ZC3H13: variants seen among roughly 807,000 people sequenced by gnomAD.
The protein encoded by ZC3H13 is zinc finger CCCH domain-containing protein 13.
In ZC3H13, 64 loss-of-function variants were observed where a neutral mutation model predicts 204.1. The ratio of observed to expected loss-of-function variants is 0.31; its 90% confidence interval spans 0.26 to 0.39. The LOEUF is 0.39. Ranked by LOEUF, ZC3H13 falls within the 10% of genes least tolerant of loss-of-function variation. The probability of loss-of-function intolerance (pLI) is 1.00; values close to 1 mark genes in which losing one functional copy is unlikely to be tolerated. For missense variants in ZC3H13, 1,833 were observed against 2,082.7 expected (o/e 0.88, Z 2.33); for synonymous variants, 667 against 693.7 (o/e 0.96, Z 0.60).
Position 45,969,267 on chromosome 13 carries a change from T to C in ZC3H13, c.3277A>G (p.Thr1093Ala). The change falls in exon 14 of 19, where the codon ACC becomes GCC. Residue 1093 changes from threonine to alanine, a missense_variant. By Grantham distance (58) the Thr-to-Ala change is moderately conservative (BLOSUM62 0). This residue lies in a region of ZC3H13 where 1,574 missense variants were observed against 1,757.2 expected (regional missense o/e 0.90). Coordinates refer to ENST00000679008, the MANE Select transcript of ZC3H13 (RefSeq NM_001330564.2). ...HTATATTPGSTPSPLSSLLPP... is the reference protein window; with the variant it reads ...HTATATTPGSAPSPLSSLLPP... ...AGAAGAGAAGATAGAGGAGAAGGGG[T>C]ACTACCAGGAGTCGTGGCGGTGGCA... 1 of 1,613,246 alleles carries C rather than the reference T, an allele frequency of 6.2e-7. No homozygotes were observed. Among genetic ancestry groups the C allele is most frequent in the Non-Finnish European group, 8.5e-7 (1 of 1,179,344 alleles).
At chr13:45,997,815 T>A (rs1593598521) in intron 8 of ZC3H13, among the ~76,000 whole-genome samples, 1 of 151,764 alleles carries the variant, frequency 6.6e-6, no homozygotes, top group African/African-American at 2.4e-5. Flanking sequence ...GCCTAGTGGG[T>A]CATACTTGAA....
In ZC3H13 at chr13:45,988,825, G is replaced by A; in HGVS notation, c.1217C>T (p.Thr406Ile). ...REKGRHDHER[T>I]SQSHDRRHER... ...ATGGCGTCGATCATGAGACTGTGAA[G>A]TTCGTTCATGATCATGTCTCCCTTT... The change falls in exon 9 of 19, where the codon ACT (threonine) becomes ATT (isoleucine). Residue 406 changes from threonine (T) to isoleucine (I), a missense_variant. Physicochemically the swap from Thr to Ile is moderately conservative, Grantham distance 89. Around this residue, in one of 5 missense-constraint regions of ZC3H13, gnomAD observed 1,574 missense variants for 1,757.2 expected, o/e 0.90. Transcript: ENST00000679008. The A allele has an allele frequency of 6.2e-7, 1 of 1,614,008 alleles. No individual in the cohort carries two copies. Among genetic ancestry groups the A allele is most frequent in the Non-Finnish European group, 8.5e-7 (1 of 1,179,864 alleles).
chr13:46,051,565 C>T (rs943863160), intron 1 of ZC3H13, among the ~76,000 whole-genome samples: 2 of 152,152 alleles, frequency 1.3e-5, no homozygotes, highest in Non-Finnish European at 2.9e-5. Flanking sequence ...GCACCATATA[C>T]CCATAGACTG....
At chr13:45,976,830 T>A (rs892389656) in intron 11 of ZC3H13, among the ~76,000 whole-genome samples, 6 of 152,204 alleles carry the variant, frequency 3.9e-5, no homozygotes, top group Non-Finnish European at 4.4e-5. Flanking sequence ...AAGATCATAT[T>A]ATAATCAGGC....
chr13:45,989,867 TAAG>T (rs2039848181), intron 8 of ZC3H13, among the ~76,000 whole-genome samples: 1 of 152,170 alleles, frequency 6.6e-6, no homozygotes, highest in Admixed American at 6.5e-5. Flanking sequence ...GTGCAATAAC[TAAG>T]AAGCAGCAGG....
intron 11 of ZC3H13, among the ~76,000 whole-genome samples, chr13:45,977,122 A>G (rs1953118398): frequency 6.6e-6 from 1 of 152,208 alleles, no homozygotes; most frequent in African/African-American, 2.4e-5. Flanking sequence ...CCAATGTCAC[A>G]GAGATGGTAG....
intron 12 of ZC3H13, among the ~76,000 whole-genome samples, 185 bp downstream of exon 12, chr13:45,975,098 G>A (rs1436703609): frequency 6.6e-6 from 1 of 151,686 alleles, no homozygotes; most frequent in Non-Finnish European, 1.5e-5. Flanking sequence ...TGCCTGCCTC[G>A]GCCTCCCAAA....
chr13:45,983,809 CA>C (rs1953929383), intron 10 of ZC3H13, among the ~76,000 whole-genome samples: 1 of 152,008 alleles, frequency 6.6e-6, no homozygotes, highest in Admixed American at 6.6e-5. Context: ...AAAGAAGAGC[CA>C]AATCAGTGTG....
In ZC3H13 at chr13:45,956,337, T is replaced by C. The variant is rs1420089047; in HGVS notation, c.*790A>G. 3 of 151,962 alleles carry C rather than the reference T, an allele frequency of 2.0e-5. No individual in the cohort carries two copies. The highest frequency in any genetic ancestry group is 4.4e-5 in the Non-Finnish European group (3 of 67,962). 9.4% of individuals were successfully genotyped at this position (151,962 alleles called of 1,614,324 possible). The stretch of plus-strand genomic sequence containing the variant: ...AACTCTGTTTAAAGCTGTCCAACAA[T>C]AAGGACACAAGCAGTAAAATATCTG... On this transcript the variant is annotated 3_prime_UTR_variant, in exon 19 of 19. Coordinates refer to ENST00000679008, the MANE Select transcript of ZC3H13 (RefSeq NM_001330564.2).
intron 8 of ZC3H13, among the ~76,000 whole-genome samples, chr13:45,993,397 C>T (rs2040104046): frequency 6.6e-6 from 1 of 152,106 alleles, no homozygotes; most frequent in Admixed American, 6.6e-5. Context: ...ATATTTGAGC[C>T]AAGTGCTGAA....
Position 45,975,494 on chromosome 13 carries a change from T to C in ZC3H13, c.2257A>G (p.Arg753Gly). 6.2e-7 allele frequency: 1 copy of C among 1,612,874 alleles called. No individual in the cohort carries two copies. Among genetic ancestry groups the C allele is most frequent in the Non-Finnish European group, 8.5e-7 (1 of 1,179,548 alleles). Residue 753 changes from arginine (R) to glycine (G), a missense_variant, in exon 12 of 19, where the codon AGA (arginine) becomes GGA (glycine). By Grantham distance (125) the Arg-to-Gly change is moderately radical. Transcript: ENST00000679008. The part of the protein sequence containing the change: ...RDREKERERE[R>G]EERERERERE... ...TCTCTCTCCCTCTCTCTCTCTTCTC[T>C]TTCTCGTTCCCGTTCTTTTTCCCTG...
At chr13:46,020,018 A>G (rs536067660) in intron 5 of ZC3H13, among the ~76,000 whole-genome samples, 44 of 152,288 alleles carry the variant, frequency 2.9e-4, no homozygotes, top group South Asian at 1.9e-3. Flanking sequence ...TCTTAATCTG[A>G]TTTTGATTTC....
intron 8 of ZC3H13, among the ~76,000 whole-genome samples, chr13:45,997,827 G>GA (rs960496474): frequency 1.4e-5 from 2 of 147,682 alleles, no homozygotes; most frequent in African/African-American, 2.5e-5. Flanking sequence ...ATACTTGAAG[G>GA]AAAAAAAAAC....
chr13:46,000,400 C>T (rs2040658117), intron 8 of ZC3H13, among the ~76,000 whole-genome samples: 1 of 152,200 alleles, frequency 6.6e-6, no homozygotes, highest in South Asian at 2.1e-4. Flanking sequence ...CTTCATCTTG[C>T]ACTTTTGTGC....
rs993002228 is a variant in ZC3H13 at position 46,010,885 on chromosome 13, C to CA, written c.589-381dup. On this transcript the variant is annotated intron_variant, in intron 6 of 18. Coordinates refer to ENST00000679008, the MANE Select transcript of ZC3H13 (RefSeq NM_001330564.2). The stretch of plus-strand genomic sequence containing the variant: ...GTAATAGAGAAAGATCTCATCCCTA[C>CA]AAAAAAAGTTTGAAATAAAAATAAA... Among the ~76,000 whole-genome samples the CA allele has an allele frequency of 2.5e-4, 38 of 151,744 alleles. 1 individual carries two copies. Among genetic ancestry groups the CA allele is most frequent in the African/African-American group, 8.9e-4 (37 of 41,410 alleles).
intron 4 of ZC3H13, among the ~76,000 whole-genome samples, chr13:46,039,538 A>ATT (rs1395574503): frequency 6.6e-6 from 1 of 152,210 alleles, no homozygotes; most frequent in East Asian, 1.9e-4. Flanking sequence ...TTCCTAAAGT[A>ATT]ATATGCTCTA....
chr13:45,961,185 T>A (rs1052147654), intron 17 of ZC3H13, among the ~76,000 whole-genome samples: 5 of 152,098 alleles, frequency 3.3e-5, no homozygotes, highest in Non-Finnish European at 7.4e-5. Flanking sequence ...AATGATATAG[T>A]CATATATGCA....
intron 8 of ZC3H13, among the ~76,000 whole-genome samples, chr13:45,993,476 A>G (rs2040109450): frequency 6.6e-6 from 1 of 152,214 alleles, no homozygotes; most frequent in Non-Finnish European, 1.5e-5. Context: ...GTATAAGAAT[A>G]GAAAGAAGCC....
chr13:45,999,312 C>T (rs996830156), intron 8 of ZC3H13, among the ~76,000 whole-genome samples: 6 of 152,170 alleles, frequency 3.9e-5, no homozygotes, highest in African/African-American at 1.4e-4. Context: ...CACACACATA[C>T]ACAAAAAACA....
Sources: allele counts gnomAD v4.1 joint callset (sites outside exome capture counted in the v4.1 genomes callset), GRCh38; gene constraint gnomAD v4.1.1; regional missense constraint gnomAD v4.1.1; transcripts MANE v1.5; gene names NCBI Gene and HGNC (gene_info 2026-07-23, HGNC 2026-07-21).